FNDC9: variants seen among roughly 807,000 people sequenced by gnomAD.
FNDC9 encodes the protein fibronectin type III domain-containing protein 9.
A neutral mutation model predicts 9.0 loss-of-function variants in FNDC9; 3 were observed. The ratio of observed to expected loss-of-function variants is 0.33; its 90% CI spans 0.15 to 0.86. FNDC9 has a LOEUF of 0.86. Ranked by LOEUF, FNDC9 falls within the 40% of genes least tolerant of loss-of-function variation. The pLI, the probability that FNDC9 is intolerant of heterozygous loss-of-function variation, is 0.53. For synonymous variants in FNDC9, 114 were observed against 115.6 expected, an observed-to-expected ratio of 0.99 and a Z score of 0.09; for missense variants, 279 against 287.2, an observed-to-expected ratio of 0.97 and a Z score of 0.21.
chr5:157,344,312 A>G (rs1762519937), intron 1 of FNDC9, among the ~76,000 whole-genome samples: 1 of 152,206 alleles, frequency 6.6e-6, no homozygotes, highest in African/African-American at 2.4e-5. Flanking sequence ...ATGCTAGATG[A>G]TTCACAGGCA....
intron 1 of FNDC9, among the ~76,000 whole-genome samples, chr5:157,344,187 T>C (rs1561749140): frequency 6.6e-6 from 1 of 152,210 alleles, no homozygotes; most frequent in Non-Finnish European, 1.5e-5. Flanking sequence ...ATTTTATGGG[T>C]GAAGATAATC....
chr5:157,343,569 T>A, intron 1 of FNDC9, 26 bp from the exon 2 acceptor site: 3 of 1,491,640 alleles, frequency 2.0e-6, no homozygotes, highest in Non-Finnish European at 2.7e-6. Context: ...AAGTGAAGAG[T>A]GACATCCCCT....
chr5:157,342,551 C>A lies in FNDC9; in HGVS notation c.*311G>T. ...CAAGTGCTGTGTTTTATTTGTCATG[C>A]AAATTTTTGCTTTCTACTTTATAAC... is the stretch of plus-strand genomic sequence containing the variant. On this transcript the variant is annotated 3_prime_UTR_variant, in exon 2 of 2. Coordinates refer to ENST00000312349, the MANE Select transcript of FNDC9 (RefSeq NM_001001343.4). 1 of 253,096 alleles carries A rather than the reference C, an allele frequency of 4.0e-6. No individual in the cohort carries two copies. Among genetic ancestry groups the A allele is most frequent in the Non-Finnish European group, 7.5e-6 (1 of 132,778 alleles). 15.7% of individuals were successfully genotyped at this position (253,096 alleles called of 1,614,324 possible).
At chr5:157,343,634 C>A in intron 1 of FNDC9, 91 bp from the exon 2 acceptor site, 1 of 1,030,040 alleles carries the variant, frequency 9.7e-7, no homozygotes, top group Non-Finnish European at 1.4e-6. Context: ...ACATTTGAGA[C>A]GGGCACTCAT....
At chr5:157,345,042 C>T (rs544114608) in intron 1 of FNDC9, among the ~76,000 whole-genome samples, 16 of 152,172 alleles carry the variant, frequency 1.1e-4, no homozygotes, top group Non-Finnish European at 1.5e-4. Context: ...AAATAGGGAA[C>T]GAAAGGGATG....
At position 157,342,996 on chromosome 5, in the gene FNDC9, C is replaced by T. The variant is rs1404166286; in HGVS notation, c.541G>A (p.Val181Met). The change falls in exon 2 of 2, where the codon GTG becomes ATG. Residue 181 changes from valine to methionine, a missense_variant. Coordinates refer to ENST00000312349, the MANE Select transcript of FNDC9 (RefSeq NM_001001343.4). Reference protein sequence around the residue: ...REEDLQGLPLVEMPRKNSRDG... With the variant: ...REEDLQGLPLMEMPRKNSRDG... ...CTGGAGTTCTTGCGTGGCATTTCCA[C>T]CAGGGGGAGCCCCTGCAGGTCTTCC... is the stretch of plus-strand genomic sequence containing the variant. 6.2e-7 allele frequency: 1 copy of T among 1,614,224 alleles called. No individual in the cohort carries two copies. The highest frequency in any genetic ancestry group is 2.2e-5 in the East Asian group (1 of 44,886).
chr5:157,343,685 G>T, intron 1 of FNDC9, 142 bp from the exon 2 acceptor site: 1 of 712,550 alleles, frequency 1.4e-6, no homozygotes, highest in Non-Finnish European at 2.2e-6. Flanking sequence ...AGGCCGAGAG[G>T]TTCTGTTATT....
intron 1 of FNDC9, among the ~76,000 whole-genome samples, chr5:157,344,186 G>A (rs1762511214): frequency 6.6e-6 from 1 of 152,112 alleles, no homozygotes; most frequent in Non-Finnish European, 1.5e-5. Context: ...TATTTTATGG[G>A]TGAAGATAAT....
chr5:157,342,917 G>T lies in FNDC9; in HGVS notation c.620C>A (p.Ala207Asp). ...TGGGTCACCACCCCCCCTCTGTAAG[G>T]CACCCGCATCAGGGGCATCCTGGTT... The part of the protein sequence containing the change: ...EANQDAPDAG[A>D]LQRGGGDPPA... Residue 207 changes from alanine (A) to aspartate (D), a missense_variant, in exon 2 of 2, where the codon GCC becomes GAC. Transcript: ENST00000312349. The T allele has an allele frequency of 2.5e-6, 4 of 1,614,126 alleles. No homozygotes were observed. The highest frequency in any genetic ancestry group is 3.4e-6 in the Non-Finnish European group (4 of 1,180,006).
rs140960085 is a variant in FNDC9, at chr5:157,344,827, A to C, written c.-8+714T>G. On this transcript the variant is annotated intron_variant, in intron 1 of 1. Coordinates refer to ENST00000312349, the MANE Select transcript of FNDC9 (RefSeq NM_001001343.4). ...TGGATATTAAGCCAAACCAATGGCT[A>C]TTATGACCTGCCTTTCTCTCACCTC... Among the ~76,000 whole-genome samples the C allele has an allele frequency of 9.5e-4, 145 of 152,332 alleles. 1 individual carries two copies. The highest frequency in any genetic ancestry group is 7.1e-3 in the East Asian group (37 of 5,190).
At position 157,342,772 on chromosome 5, in the gene FNDC9, G is replaced by T. The variant is rs1418688623; in HGVS notation, c.*90C>A. On this transcript the variant is annotated 3_prime_UTR_variant, in exon 2 of 2. Transcript: ENST00000312349. ...AATAGCAGTGACGTTTGATGGGAGAGAAATGGGTAGTCTATAGACACATTT... is the reference window on the plus strand; with the variant it reads ...AATAGCAGTGACGTTTGATGGGAGATAAATGGGTAGTCTATAGACACATTT... The T allele has an allele frequency of 3.9e-6, 5 of 1,292,904 alleles. No individual in the cohort carries two copies. The highest frequency in any genetic ancestry group is 1.5e-5 in the African/African-American group (1 of 67,072). 80.1% of individuals were successfully genotyped at this position (1,292,904 alleles called of 1,614,324 possible).
In FNDC9 at chr5:157,343,038, C is replaced by G; in HGVS notation, c.499G>C (p.Asp167His). The G allele has an allele frequency of 6.2e-7, 1 of 1,614,234 alleles. No homozygotes were observed. The highest frequency in any genetic ancestry group is 8.5e-7 in the Non-Finnish European group (1 of 1,180,036). ...GLVRWPEEAP[D>H]LGQREEDLQG... ...AGGTCTTCCTCCCTCTGACCAAGATCCGGGGCCTCCTCTGGCCATCTCACC... is the reference window on the plus strand; with the variant it reads ...AGGTCTTCCTCCCTCTGACCAAGATGCGGGGCCTCCTCTGGCCATCTCACC... The change falls in exon 2 of 2, where the codon GAT becomes CAT. Residue 167 changes from aspartate to histidine, a missense_variant. By Grantham distance (81) the Asp-to-His change is moderately conservative. Coordinates refer to ENST00000312349, the MANE Select transcript of FNDC9 (RefSeq NM_001001343.4).
At position 157,342,625 on chromosome 5, in the gene FNDC9, G is replaced by C; in HGVS notation, c.*237C>G. The C allele has an allele frequency of 4.4e-6, 2 of 454,980 alleles. No individual in the cohort carries two copies. Among genetic ancestry groups the C allele is most frequent in the East Asian group, 6.3e-5 (2 of 31,712 alleles). 28.2% of individuals were successfully genotyped at this position (454,980 alleles called of 1,614,324 possible). A position where few individuals can be genotyped will look rare whatever the true frequency, so the allele number is the denominator to read the frequency against. ...AAAACAATGCTTTCAATTCTTAACT[G>C]TGTCCTCCGAGTGGACGCTGCTGCT... On this transcript the variant is annotated 3_prime_UTR_variant, in exon 2 of 2. Coordinates refer to ENST00000312349, the MANE Select transcript of FNDC9 (RefSeq NM_001001343.4).
rs1404027589 is a variant in FNDC9 at position 157,343,349 on chromosome 5, A to G, written c.188T>C (p.Leu63Pro). Reference protein sequence around the residue: ...KVPRTISSVVLEHLAPSTLYF... With the variant: ...KVPRTISSVVPEHLAPSTLYF... ...GAGAGTGGAAGGGGCAAGATGTTCC[A>G]GCACCACGGAGCTGATCGTTCGAGG... Residue 63 changes from leucine to proline, a missense_variant, in exon 2 of 2, where the codon CTG becomes CCG. By Grantham distance (98) the Leu-to-Pro change is moderately conservative. Coordinates refer to ENST00000312349, the MANE Select transcript of FNDC9 (RefSeq NM_001001343.4). 6.2e-7 allele frequency: 1 copy of G among 1,614,106 alleles called. No homozygotes were observed. Among genetic ancestry groups the G allele is most frequent in the Non-Finnish European group, 8.5e-7 (1 of 1,180,046 alleles).
rs752699567 is a variant in FNDC9 at position 157,343,431 on chromosome 5, A to G, written c.106T>C (p.Trp36Arg). 3 of 1,614,160 alleles carry G rather than the reference A, an allele frequency of 1.9e-6. No individual in the cohort carries two copies. The highest frequency in any genetic ancestry group is 2.5e-6 in the Non-Finnish European group (3 of 1,180,014). The change falls in exon 2 of 2, where the codon TGG (tryptophan) becomes CGG (arginine). Residue 36 changes from tryptophan to arginine, a missense_variant. Trp to Arg is a moderately radical substitution (Grantham distance 101). Transcript: ENST00000312349. ...AGATAGCCAGAGAAGATGCTGTTCC[A>G]GTTGGGCCTGTACATAATATGGTAA... Reference protein sequence around the residue: ...DYYHIMYRPNWNSIFSGYLRY... With the variant: ...DYYHIMYRPNRNSIFSGYLRY...
chr5:157,343,115 T>A lies in FNDC9; in HGVS notation c.422A>T (p.His141Leu). ...AGCCCTGTAAGACCATCGCGGCTCA[T>A]GGCAACGGACACACCAGAACTGGAG... ...ICLQFWCVRC[H>L]EPRWSYRAGH... Residue 141 changes from histidine to leucine, a missense_variant, in exon 2 of 2, where the codon CAT (histidine) becomes CTT (leucine). Physicochemically the swap from His to Leu is moderately conservative, Grantham distance 99. Transcript: ENST00000312349. 1 of 1,614,146 alleles carries A rather than the reference T, an allele frequency of 6.2e-7. No individual in the cohort carries two copies. Among genetic ancestry groups the A allele is most frequent in the Non-Finnish European group, 8.5e-7 (1 of 1,180,018 alleles).
intron 1 of FNDC9, among the ~76,000 whole-genome samples, chr5:157,343,808 C>T (rs1762479839): frequency 6.6e-6 from 1 of 152,256 alleles, no homozygotes; most frequent in Non-Finnish European, 1.5e-5. Context: ...CCCACCCTAG[C>T]TGAGATCCTT....
In FNDC9 at chr5:157,342,961, A is replaced by G. The variant is rs144111305; in HGVS notation, c.576T>C (p.Ala192=). ...CCTGGTTGGCTTCGGGATCCAGTTC[A>G]GCTCCATCTCTGGAGTTCTTGCGTG... ...EMPRKNSRDG[A]ELDPEANQDA... The change falls in exon 2 of 2, where the codon GCT becomes GCC. Residue 192 remains alanine, a synonymous_variant. Coordinates refer to ENST00000312349, the MANE Select transcript of FNDC9 (RefSeq NM_001001343.4). 1 of 1,614,090 alleles carries G rather than the reference A, an allele frequency of 6.2e-7. No individual in the cohort carries two copies. The highest frequency in any genetic ancestry group is 1.3e-5 in the African/African-American group (1 of 74,926).
In FNDC9 at chr5:157,343,004, AG is replaced by A. The variant is rs771032758; in HGVS notation, c.532del (p.Leu178SerfsTer58). On this transcript the variant is annotated frameshift_variant, in exon 2 of 2. Transcript: ENST00000312349. LOFTEE classifies it low-confidence loss of function (END_TRUNC). ...CTTGCGTGGCATTTCCACCAGGGGG[AG>A]CCCCTGCAGGTCTTCCTCCCTCTGA... ...LGQREEDLQG[L>X]PLVEMPRKNS... The A allele has an allele frequency of 6.2e-7, 1 of 1,613,854 alleles. No individual in the cohort carries two copies. Among genetic ancestry groups the A allele is most frequent in the African/African-American group, 1.3e-5 (1 of 74,876 alleles).
Sources: allele counts gnomAD v4.1 joint callset (sites outside exome capture counted in the v4.1 genomes callset), GRCh38; gene constraint gnomAD v4.1.1; transcripts MANE v1.5; gene names NCBI Gene and HGNC (gene_info 2026-07-23, HGNC 2026-07-21).